LEMD1: variants seen among roughly 807,000 people sequenced by gnomAD.
LEMD1 encodes the protein LEM domain containing 1, also known as LEM domain-containing protein 1.
A neutral mutation model predicts 17.4 loss-of-function variants in LEMD1; 18 were observed. The ratio of observed to expected loss-of-function variants is 1.04; its 90% CI spans 0.72 to 1.54. LEMD1 has a LOEUF of 1.54. Among genes scored for constraint, LEMD1 ranks in the 40% most tolerant of loss-of-function variants. The pLI, the probability that LEMD1 is intolerant of heterozygous loss-of-function variation, is 0.00. For missense variants in LEMD1, 195 were observed against 210.4 expected (o/e 0.93, Z 0.45); for synonymous variants, 88 against 77.8 (o/e 1.13, Z -0.69).
intron 4 of LEMD1, among the ~76,000 whole-genome samples, chr1:205,395,747 A>C (rs954320796): frequency 4.6e-5 from 7 of 152,186 alleles, no homozygotes; most frequent in African/African-American, 1.7e-4. Context: ...AGCTAGCAAA[A>C]GATTGGTAAC....
chr1:205,397,999 G>A (rs1008089880), intron 4 of LEMD1, among the ~76,000 whole-genome samples: 10 of 152,068 alleles, frequency 6.6e-5, no homozygotes, highest in Admixed American at 6.5e-4. Context: ...TCAAAAACTG[G>A]GTTCTATTAC....
chr1:205,383,073 T>A (rs1408945237), intron 5 of LEMD1, among the ~76,000 whole-genome samples: 1 of 152,184 alleles, frequency 6.6e-6, no homozygotes, highest in Non-Finnish European at 1.5e-5. Context: ...TATTTGAGGG[T>A]ATATGTAATT....
chr1:205,421,587 G>A (rs995167325), intron 1 of LEMD1, among the ~76,000 whole-genome samples: 1 of 152,294 alleles, frequency 6.6e-6, no homozygotes, highest in South Asian at 2.1e-4. Context: ...GGAATACCTA[G>A]TTTGACAGTT....
chr1:205,428,217 T>C (rs747803735), intron 1 of LEMD1, among the ~76,000 whole-genome samples: 1 of 152,152 alleles, frequency 6.6e-6, no homozygotes, highest in Non-Finnish European at 1.5e-5. Context: ...AACCCACATA[T>C]ACCCCTCACC....
intron 5 of LEMD1, 88 bp from the exon 6 acceptor site, chr1:205,381,944 G>T: frequency 7.8e-7 from 1 of 1,284,088 alleles, no homozygotes; most frequent in African/African-American, 1.5e-5. Flanking sequence ...TGAAGCCCAA[G>T]GGTGCAGTCA....
chr1:205,446,316 C>T (rs1036560737), intron 1 of LEMD1, among the ~76,000 whole-genome samples: 3 of 152,222 alleles, frequency 2.0e-5, no homozygotes, highest in East Asian at 1.9e-4. Flanking sequence ...AGGACTGTCT[C>T]GGGTGAGTTG....
chr1:205,406,778 G>A (rs571578199), intron 4 of LEMD1, among the ~76,000 whole-genome samples: 61 of 152,292 alleles, frequency 4.0e-4, no homozygotes, highest in African/African-American at 1.4e-3. Flanking sequence ...TGGAAATGCC[G>A]AAATCACAGC....
At position 205,419,312 on chromosome 1, in the gene LEMD1, C is replaced by A; in HGVS notation, c.123G>T (p.Leu41Phe). The A allele has an allele frequency of 1.2e-6, 2 of 1,614,222 alleles. No individual in the cohort carries two copies. Among genetic ancestry groups the A allele is most frequent in the Non-Finnish European group, 1.7e-6 (2 of 1,180,010 alleles). Residue 41 changes from leucine to phenylalanine, a missense_variant, in exon 3 of 6, where the codon TTG (leucine) becomes TTT (phenylalanine). Leu to Phe is a conservative substitution (Grantham distance 22). Coordinates refer to ENST00000367153, the MANE Select transcript of LEMD1 (RefSeq NM_001199050.2). Reference protein sequence around the residue: ...RKLYEKKLVQLLVSPPCAPPV... With the variant: ...RKLYEKKLVQFLVSPPCAPPV... The stretch of plus-strand genomic sequence containing the variant: ...GTGGTGCACAGGGAGGTGAGACCAA[C>A]AACTGTACTAACTTTTTTTCATACA...
chr1:205,381,591 G>T lies in LEMD1; in HGVS notation c.*67C>A. 2 of 1,480,052 alleles carry T rather than the reference G, an allele frequency of 1.4e-6. No individual in the cohort carries two copies. The highest frequency in any genetic ancestry group is 1.9e-6 in the Non-Finnish European group (2 of 1,058,702). The allele number at this position is 1,480,052 out of a possible 1,614,324, so 91.7% of individuals were successfully genotyped here. A position where few individuals can be genotyped will look rare whatever the true frequency, so the allele number is the denominator to read the frequency against. Reference sequence around the variant, plus strand: ...GCTGCAGGCTAGGCTGGCCCTTCAGGGTAGTGTTTTGGTTCTTTCCTGAAG... The same window carrying T: ...GCTGCAGGCTAGGCTGGCCCTTCAGTGTAGTGTTTTGGTTCTTTCCTGAAG... On this transcript the variant is annotated 3_prime_UTR_variant, in exon 6 of 6. Transcript: ENST00000367153.
intron 4 of LEMD1, among the ~76,000 whole-genome samples, chr1:205,388,198 CT>C (rs1664133708): frequency 6.9e-6 from 1 of 143,992 alleles, no homozygotes; most frequent in African/African-American, 2.5e-5. Flanking sequence ...CTTAATCTTT[CT>C]TTCTTTTTTT....
At chr1:205,412,768 C>A (rs1294449553) in intron 4 of LEMD1, among the ~76,000 whole-genome samples, 1 of 152,168 alleles carries the variant, frequency 6.6e-6, no homozygotes, top group African/African-American at 2.4e-5. Context: ...TTTATGCCAT[C>A]GCAAACTTCC....
intron 1 of LEMD1, among the ~76,000 whole-genome samples, chr1:205,434,608 G>A (rs1419839461): frequency 1.3e-5 from 2 of 152,098 alleles, no homozygotes; most frequent in Non-Finnish European, 2.9e-5. Flanking sequence ...GAGATGGTAA[G>A]AGGCATGAGG....
intron 4 of LEMD1, among the ~76,000 whole-genome samples, chr1:205,414,587 G>GCCAGTTTTT (rs1665606663): frequency 6.6e-6 from 1 of 152,020 alleles, no homozygotes; most frequent in African/African-American, 2.4e-5. Flanking sequence ...ACCACACCCA[G>GCCAGTTTTT]CCAGTTTTTT....
At chr1:205,388,909 T>C (rs1268273268) in intron 4 of LEMD1, among the ~76,000 whole-genome samples, 1 of 152,170 alleles carries the variant, frequency 6.6e-6, no homozygotes, top group Non-Finnish European at 1.5e-5. Context: ...TAATATTGCA[T>C]ATGACATTTT....
intron 4 of LEMD1, among the ~76,000 whole-genome samples, chr1:205,408,981 G>A (rs1449074893): frequency 6.6e-6 from 1 of 151,974 alleles, no homozygotes; most frequent in Non-Finnish European, 1.5e-5. Context: ...GAGACCACAG[G>A]TGTGCACCAC....
rs1426231432 is a variant in LEMD1 at position 205,401,276 on chromosome 1, A to T, written c.270+14956T>A. On this transcript the variant is annotated intron_variant, in intron 4 of 5. Transcript: ENST00000367153. ...AGATCCCCGAGGAATCGCCACACTG[A>T]CTTCCACAATGGTTGAACTAGTTTA... Among the ~76,000 whole-genome samples the T allele has an allele frequency of 2.6e-5, 4 of 152,168 alleles. No homozygotes were observed. In the East Asian group the frequency reaches 7.7e-4, roughly 29 times the overall value.
intron 1 of LEMD1, among the ~76,000 whole-genome samples, chr1:205,431,142 C>A (rs1394997925): frequency 6.6e-6 from 1 of 152,218 alleles, no homozygotes; most frequent in Non-Finnish European, 1.5e-5. Context: ...CACACTATTT[C>A]TTGTCTATTA....
At chr1:205,396,489 C>T (rs969050687) in intron 4 of LEMD1, among the ~76,000 whole-genome samples, 2 of 152,106 alleles carry the variant, frequency 1.3e-5, no homozygotes, top group Non-Finnish European at 2.9e-5. Context: ...ACACTGGGTC[C>T]TGTACCACAA....
In LEMD1 at chr1:205,381,648, C is replaced by T; in HGVS notation, c.*10G>A. On this transcript the variant is annotated 3_prime_UTR_variant, in exon 6 of 6. Coordinates refer to ENST00000367153, the MANE Select transcript of LEMD1 (RefSeq NM_001199050.2). ...GCCTCGCTTGGAGCATTGCTTTGCTCCTAAATTACTTAACCAAACAGCGAC... is the reference window on the plus strand; with the variant it reads ...GCCTCGCTTGGAGCATTGCTTTGCTTCTAAATTACTTAACCAAACAGCGAC... The T allele has an allele frequency of 1.2e-6, 2 of 1,613,926 alleles. No individual in the cohort carries two copies. Among genetic ancestry groups the T allele is most frequent in the Non-Finnish European group, 1.7e-6 (2 of 1,179,824 alleles).
Sources: gnomAD v4.1 joint callset for allele counts (sites outside exome capture counted in the v4.1 genomes callset) on GRCh38, gnomAD v4.1.1 for gene constraint, MANE v1.5 for transcripts, NCBI Gene and HGNC (gene_info 2026-07-23, HGNC 2026-07-21) for gene names.